Variants in RCC1L observed in about 807,000 individuals in gnomAD.
RCC1L encodes the protein RCC1-like G exchanging factor-like protein.
RCC1L carries 46 observed loss-of-function variants against 58.6 expected under a neutral mutation model. The ratio of observed to expected loss-of-function variants is 0.79; its 90% CI spans 0.62 to 1.00. The LOEUF is 1.00. Among genes scored for constraint, RCC1L ranks in the 50% least tolerant of loss-of-function variants. RCC1L has a pLI of 0.00. For synonymous variants in RCC1L, 281 were observed against 262.9 expected (o/e 1.07, Z -0.67); for missense variants, 636 against 623.6 (o/e 1.02, Z -0.21).
At chr7:75,048,496 T>C (rs1188381927) in intron 10 of RCC1L, among the ~76,000 whole-genome samples, 2 of 152,206 alleles carry the variant, frequency 1.3e-5, no homozygotes, top group African/African-American at 4.8e-5. Flanking sequence ...GCCCCTTCGC[T>C]CCTGACTTCC....
intron 10 of RCC1L, among the ~76,000 whole-genome samples, chr7:75,047,416 G>GC (rs1805758783): frequency 6.6e-6 from 1 of 152,100 alleles, no homozygotes; most frequent in Non-Finnish European, 1.5e-5. Context: ...ACAGGCACAC[G>GC]CCACTGCACC....
chr7:75,064,516 C>T, intron 4 of RCC1L, 66 bp downstream of exon 4: 2 of 1,588,894 alleles, frequency 1.3e-6, no homozygotes, highest in Non-Finnish European at 1.7e-6. Flanking sequence ...TTACCACAGT[C>T]ATCTCCCTAG....
At position 75,032,876 on chromosome 7, in the gene RCC1L, A is replaced by T. The variant is rs893117435; in HGVS notation, c.1318-4797T>A. ...TACCTGAGGTCAGGAGTTCAAGACC[A>T]CCCTGGTCAACATAGTGTAACCCTA... On this transcript the variant is annotated intron_variant, in intron 10 of 10. Coordinates refer to the RCC1L transcript ENST00000614461. Among the ~76,000 whole-genome samples the T allele has an allele frequency of 5.2e-4, 79 of 152,018 alleles. 1 individual carries two copies. Among genetic ancestry groups the T allele is most frequent in the Admixed American group, 2.2e-3 (34 of 15,252 alleles).
At chr7:75,058,157 G>A (rs1484387817) in intron 7 of RCC1L, 5 of 65,090 alleles carry the variant, frequency 7.7e-5, no homozygotes, top group East Asian at 6.7e-4. Flanking sequence ...GGCTGGTCTC[G>A]AACTCCTGAC....
intron 2 of RCC1L, among the ~76,000 whole-genome samples, chr7:75,067,079 A>T (rs1282552058): frequency 6.6e-6 from 1 of 152,028 alleles, no homozygotes; most frequent in Non-Finnish European, 1.5e-5. Context: ...AAGCGGGCAG[A>T]TCACCTGAGG....
chr7:75,058,849 C>T lies in RCC1L; in HGVS notation c.788-80G>A, dbSNP rs1806174359. 3.2e-6 allele frequency: 5 copies of T among 1,553,152 alleles called. No individual in the cohort carries two copies. The South Asian group carries it at 4.5e-5, about 14-fold the overall frequency. On this transcript the variant is annotated intron_variant, in intron 6 of 10. Coordinates refer to ENST00000610322, the MANE Select transcript of RCC1L (RefSeq NM_030798.5). ...AGGCAGACTTACTATATGCCAAGTGCAGTTTTAAGCACTTAACAAGTATCA... is the reference window on the plus strand; with the variant it reads ...AGGCAGACTTACTATATGCCAAGTGTAGTTTTAAGCACTTAACAAGTATCA...
Position 75,052,655 on chromosome 7 carries a change from C to T in RCC1L, c.1317+56G>A, listed in dbSNP as rs587625120. On this transcript the variant is annotated intron_variant, in intron 10 of 10. Coordinates refer to ENST00000610322, the MANE Select transcript of RCC1L (RefSeq NM_030798.5). ...TCTGCACGCGAGGTGTCTGCAGTGA[C>T]GTCAGGTGACTCTACTCTTAGCATC... is the stretch of plus-strand genomic sequence containing the variant. 1,456 of 1,523,922 alleles carry T rather than the reference C, an allele frequency of 9.6e-4. 18 individuals carry two copies. In the African/African-American group the frequency reaches 0.016, roughly 17 times the overall value. 94.4% of individuals were successfully genotyped at this position (1,523,922 alleles called of 1,614,324 possible).
intron 3 of RCC1L, among the ~76,000 whole-genome samples, chr7:75,066,278 C>T (rs1420442704): frequency 6.6e-6 from 1 of 151,930 alleles, no homozygotes; most frequent in Non-Finnish European, 1.5e-5. Context: ...GGTGAAACCC[C>T]GTCTCTACTA....
rs1351877637 is a variant in RCC1L, at chr7:75,042,966, C to T, written c.*66G>A. 2.3e-5 allele frequency: 37 copies of T among 1,612,230 alleles called. No individual in the cohort carries two copies. The highest frequency in any genetic ancestry group is 1.7e-4 in the South Asian group (15 of 90,874). Reference sequence around the variant, plus strand: ...CAAGAACCCCGGGGGGCTGGCCACGCGCTGGCCTCTGCCAAGGAGTGCCAG... The same window carrying T: ...CAAGAACCCCGGGGGGCTGGCCACGTGCTGGCCTCTGCCAAGGAGTGCCAG... On this transcript the variant is annotated 3_prime_UTR_variant, in exon 11 of 11. Transcript: ENST00000610322.
intron 10 of RCC1L, among the ~76,000 whole-genome samples, chr7:75,029,227 G>A (rs1179304857): frequency 1.3e-5 from 2 of 152,172 alleles, no homozygotes; most frequent in South Asian, 2.1e-4. Context: ...GGGATACCCT[G>A]GGGAGTCCTA....
chr7:75,054,957 ACGGCCT>A (rs1806028382), intron 9 of RCC1L, among the ~76,000 whole-genome samples: 1 of 152,174 alleles, frequency 6.6e-6, no homozygotes, highest in Non-Finnish European at 1.5e-5. Flanking sequence ...TGCCTGTTTG[ACGGCCT>A]CTGGAGCCTG....
chr7:75,072,010 CA>C (rs782647546), intron 1 of RCC1L, among the ~76,000 whole-genome samples: 1 of 149,166 alleles, frequency 6.7e-6, no homozygotes, highest in Non-Finnish European at 1.5e-5. Flanking sequence ...GCAGGAGGAT[CA>C]CTTGAATCCA....
intron 8 of RCC1L, among the ~76,000 whole-genome samples, chr7:75,057,302 A>G (rs2131994043): frequency 6.6e-6 from 1 of 152,114 alleles, no homozygotes; most frequent in East Asian, 1.9e-4. Flanking sequence ...TTTTTGGTAG[A>G]GACAGGGTCT....
Position 75,052,770 on chromosome 7 carries a change from T to C in RCC1L, c.1258A>G (p.Lys420Glu). Residue 420 changes from lysine (K) to glutamate (E), a missense_variant, in exon 10 of 11, where the codon AAG (lysine) becomes GAG (glutamate). Lys to Glu is a moderately conservative substitution (Grantham distance 56). Coordinates refer to ENST00000610322, the MANE Select transcript of RCC1L (RefSeq NM_030798.5). The stretch of plus-strand genomic sequence containing the variant: ...ATTCCCAGGCACCCTCGGATGTTCT[T>C]GCCCCATACAAACAGCTCTCCTTTG... ...TNKGELFVWG[K>E]NIRGCLGIGR... The C allele has an allele frequency of 6.2e-7, 1 of 1,613,352 alleles. No homozygotes were observed. Among genetic ancestry groups the C allele is most frequent in the East Asian group, 2.2e-5 (1 of 44,810 alleles).
At chr7:75,046,388 G>A (rs1301072407) in intron 10 of RCC1L, among the ~76,000 whole-genome samples, 1 of 152,184 alleles carries the variant, frequency 6.6e-6, no homozygotes, top group East Asian at 1.9e-4. Flanking sequence ...CCTTTCCCGG[G>A]ACAGTGCGCT....
intron 5 of RCC1L, 78 bp downstream of exon 5, chr7:75,063,214 C>T (rs1363980019): frequency 6.7e-7 from 1 of 1,496,258 alleles, no homozygotes; most frequent in East Asian, 2.3e-5. Context: ...AACAAATTTG[C>T]CATCACCCTA....
intron 10 of RCC1L, among the ~76,000 whole-genome samples, chr7:75,043,363 A>C (rs887710945): frequency 6.6e-6 from 1 of 152,216 alleles, no homozygotes; most frequent in South Asian, 2.1e-4. Flanking sequence ...GGACAAGGCC[A>C]TCCCAACTCC....
At chr7:75,068,673 G>A (rs1202074263) in intron 2 of RCC1L, among the ~76,000 whole-genome samples, 4 of 151,958 alleles carry the variant, frequency 2.6e-5, no homozygotes, top group African/African-American at 9.7e-5. Flanking sequence ...GCGACAGCAA[G>A]ACTCCATCTC....
chr7:75,058,461 C>T, intron 7 of RCC1L, 127 bp downstream of exon 7: 3 of 1,266,350 alleles, frequency 2.4e-6, no homozygotes, highest in Non-Finnish European at 3.3e-6. Flanking sequence ...GAACTCCTGA[C>T]CTCAAGCCAT....
Sources: gnomAD v4.1 joint callset for allele counts (sites outside exome capture counted in the v4.1 genomes callset) on GRCh38, gnomAD v4.1.1 for gene constraint, MANE v1.5 for transcripts, NCBI Gene and HGNC (gene_info 2026-07-23, HGNC 2026-07-21) for gene names.